The following SNTG2 variants were observed in gnomAD, a reference collection of about 807,000 sequenced individuals.
The protein encoded by SNTG2 is syntrophin gamma 2.
SNTG2 carries 74 observed loss-of-function variants against 70.9 expected under a neutral mutation model. The observed-to-expected ratio is 1.04, with a 90% CI of 0.86 to 1.27. The LOEUF (loss-of-function observed/expected upper bound fraction) is 1.27, where lower values mean the gene tolerates loss of function less well. SNTG2 is among the 50% of genes most tolerant of loss of function. The pLI is 0.00. For missense variants in SNTG2, 717 were observed against 690.7 expected (o/e 1.04, Z -0.43); for synonymous variants, 278 against 273.8 (o/e 1.02, Z -0.15).
At chr2:1,264,868 T>C (rs1678637003) in intron 13 of SNTG2, among the ~76,000 whole-genome samples, 2 of 152,250 alleles carry the variant, frequency 1.3e-5, no homozygotes, top group South Asian at 2.1e-4. Context: ...AATTCACTTA[T>C]TCTATTCTAA....
chr2:1,126,718 G>C (rs1036396895), intron 4 of SNTG2, among the ~76,000 whole-genome samples: 1 of 151,996 alleles, frequency 6.6e-6, no homozygotes, highest in African/African-American at 2.4e-5. Flanking sequence ...GCATTGCCCT[G>C]ATGATTAGTG....
At chr2:1,048,791 A>G (rs1372482668) in intron 1 of SNTG2, among the ~76,000 whole-genome samples, 1 of 152,220 alleles carries the variant, frequency 6.6e-6, no homozygotes, top group African/African-American at 2.4e-5. Flanking sequence ...CAGCAACTGT[A>G]AATGAGAATT....
chr2:1,127,420 T>G (rs1032704687), intron 4 of SNTG2, among the ~76,000 whole-genome samples: 1 of 152,220 alleles, frequency 6.6e-6, no homozygotes, highest in African/African-American at 2.4e-5. Flanking sequence ...TTTCTCAGGA[T>G]TGCTTTGGCT....
chr2:1,132,237 G>GTATA lies in SNTG2; in HGVS notation c.326-5378_326-5375dup, dbSNP rs746491282. 1.0e-4 allele frequency among the ~76,000 whole-genome samples: 11 copies of GTATA among 107,204 alleles called. No homozygotes were observed. In the South Asian group the frequency reaches 1.9e-3, roughly 19 times the overall value. The allele number at this position is 107,204 out of a possible 152,430, so 70.3% of individuals were successfully genotyped here. The stretch of plus-strand genomic sequence containing the variant: ...TATATATATGTGTATATATGTGTGT[G>GTATA]TATATATATACACACACACACACAC... On this transcript the variant is annotated intron_variant, in intron 4 of 16. Transcript: ENST00000308624.
At chr2:1,072,235 G>A (rs1663610256) in intron 1 of SNTG2, among the ~76,000 whole-genome samples, 2 of 151,930 alleles carry the variant, frequency 1.3e-5, no homozygotes, top group African/African-American at 4.8e-5. Flanking sequence ...TCCTGGCTTT[G>A]AATTTTCAAA....
chr2:1,136,821 T>C (rs1668415574), intron 4 of SNTG2, among the ~76,000 whole-genome samples: 1 of 152,250 alleles, frequency 6.6e-6, no homozygotes, highest in Non-Finnish European at 1.5e-5. Flanking sequence ...GCATAGATTA[T>C]AGTCAAACTT....
intron 16 of SNTG2, among the ~76,000 whole-genome samples, chr2:1,349,434 G>T (rs552584399): frequency 6.6e-6 from 1 of 152,306 alleles, no homozygotes; most frequent in African/African-American, 2.4e-5. Flanking sequence ...CAGAATTCAG[G>T]TTCCTACCAC....
chr2:1,068,791 A>G (rs1031006289), intron 1 of SNTG2, among the ~76,000 whole-genome samples: 1 of 152,220 alleles, frequency 6.6e-6, no homozygotes, highest in African/African-American at 2.4e-5. Flanking sequence ...GATAGCAATA[A>G]TCAATCTTCT....
At chr2:1,232,326 C>T (rs780796639) in intron 9 of SNTG2, among the ~76,000 whole-genome samples, 24 of 152,016 alleles carry the variant, frequency 1.6e-4, no homozygotes, top group Middle Eastern at 3.4e-3. Context: ...TCCCCTGAGA[C>T]GGAGACTTAG....
chr2:1,132,167 TTTAA>T (rs141109715), intron 4 of SNTG2, among the ~76,000 whole-genome samples: 4,562 of 152,232 alleles, frequency 0.03, 240 homozygotes, highest in African/African-American at 0.1. Flanking sequence ...TTAGAGCTTA[TTTAA>T]TCAGATAATC....
At chr2:1,029,568 G>T (rs1660696278) in intron 1 of SNTG2, among the ~76,000 whole-genome samples, 1 of 152,238 alleles carries the variant, frequency 6.6e-6, no homozygotes, top group African/African-American at 2.4e-5. Context: ...GTCCTGATCA[G>T]TTGACACATG....
chr2:1,112,357 G>A (rs1423247347), intron 4 of SNTG2, among the ~76,000 whole-genome samples: 9 of 151,290 alleles, frequency 5.9e-5, no homozygotes, highest in Non-Finnish European at 1.2e-4. Flanking sequence ...GAGAAGAATC[G>A]TGTGTACTAA....
intron 1 of SNTG2, among the ~76,000 whole-genome samples, chr2:964,288 C>T (rs1445024556): frequency 6.6e-6 from 1 of 152,176 alleles, no homozygotes; most frequent in Non-Finnish European, 1.5e-5. Context: ...CTTTCATTGA[C>T]TTGTATACTG....
At chr2:1,240,615 A>G (rs1415782742) in intron 11 of SNTG2, among the ~76,000 whole-genome samples, 1 of 152,236 alleles carries the variant, frequency 6.6e-6, no homozygotes, top group African/African-American at 2.4e-5. Context: ...AGCGCACAAA[A>G]GACTTTAAAT....
chr2:1,080,304 G>A (rs923032088), intron 1 of SNTG2, among the ~76,000 whole-genome samples: 1 of 152,192 alleles, frequency 6.6e-6, no homozygotes, highest in Non-Finnish European at 1.5e-5. Flanking sequence ...TGCACTCAGA[G>A]TGAGTGCGTC....
chr2:965,779 T>A (rs575552800), intron 1 of SNTG2, among the ~76,000 whole-genome samples: 1 of 152,100 alleles, frequency 6.6e-6, no homozygotes, highest in Non-Finnish European at 1.5e-5. Flanking sequence ...CCCTACAGTC[T>A]TCTCCAGAAG....
At chr2:1,362,518 T>C (rs112174775) in intron 16 of SNTG2, among the ~76,000 whole-genome samples, 5 of 79,052 alleles carry the variant, frequency 6.3e-5, no homozygotes, top group Admixed American at 1.3e-4. Flanking sequence ...AGCATTTCAG[T>C]AGAACTTCCG....
chr2:1,045,182 T>A (rs6548177), intron 1 of SNTG2, among the ~76,000 whole-genome samples: 128,035 of 151,980 alleles, frequency 0.84, 54,334 homozygotes, highest in Middle Eastern at 0.89. Flanking sequence ...GTGTGCATAG[T>A]GGTGTTCATA....
At chr2:1,194,043 A>G (rs753016275) in intron 8 of SNTG2, among the ~76,000 whole-genome samples, 7 of 152,248 alleles carry the variant, frequency 4.6e-5, no homozygotes, top group Non-Finnish European at 7.3e-5. Flanking sequence ...GCACTGGACC[A>G]GGTGTGCACA....
Sources: allele counts gnomAD v4.1 joint callset (sites outside exome capture counted in the v4.1 genomes callset), GRCh38; gene constraint gnomAD v4.1.1; transcripts MANE v1.5; gene names NCBI Gene and HGNC (gene_info 2026-07-23, HGNC 2026-07-21).